The following AFAP1 variants were observed in gnomAD, a reference collection of about 807,000 sequenced individuals.
AFAP1 encodes the protein actin filament-associated protein 1.
Under a neutral mutation model 93.9 loss-of-function variants are expected in AFAP1, and 75 were observed. That is an observed-to-expected ratio of 0.80 (90% CI 0.66 to 0.97). The LOEUF (loss-of-function observed/expected upper bound fraction) is 0.97. Among genes scored for constraint, AFAP1 ranks in the 50% least tolerant of loss-of-function variants. The probability of loss-of-function intolerance (pLI) is 0.00; values close to 1 mark genes in which losing one functional copy is unlikely to be tolerated. For missense variants in AFAP1, 1,201 were observed against 1,050.8 expected (o/e 1.14, Z -1.98); for synonymous variants, 517 against 430.7 (o/e 1.20, Z -2.48).
At chr4:7,828,013 T>C (rs1053582309) in intron 6 of AFAP1, among the ~76,000 whole-genome samples, 5 of 152,164 alleles carry the variant, frequency 3.3e-5, no homozygotes, top group African/African-American at 1.2e-4. Flanking sequence ...CAGGAGGAAA[T>C]GAAGGGCATG....
chr4:7,793,029 T>A (rs555066223), intron 11 of AFAP1, among the ~76,000 whole-genome samples: 4 of 152,346 alleles, frequency 2.6e-5, no homozygotes, highest in African/African-American at 9.6e-5. Context: ...CCCCGCAGAC[T>A]GCCAGAAAGG....
intron 1 of AFAP1, among the ~76,000 whole-genome samples, chr4:7,911,767 G>A (rs1279234209): frequency 1.3e-5 from 2 of 152,196 alleles, no homozygotes; most frequent in African/African-American, 4.8e-5. Context: ...ATATTAAAAT[G>A]CAGACAGCAA....
intron 1 of AFAP1, among the ~76,000 whole-genome samples, chr4:7,888,508 G>A (rs548486727): frequency 6.6e-6 from 1 of 152,240 alleles, no homozygotes; most frequent in Non-Finnish European, 1.5e-5. Flanking sequence ...CAAAAACATG[G>A]ATGAAATGGG....
chr4:7,933,944 A>G (rs1192092020), intron 1 of AFAP1, among the ~76,000 whole-genome samples: 1 of 152,210 alleles, frequency 6.6e-6, no homozygotes, highest in Non-Finnish European at 1.5e-5. Flanking sequence ...AATTTGTGGA[A>G]ATGTGTTAAA....
chr4:7,876,475 G>C (rs1189045228), intron 1 of AFAP1, among the ~76,000 whole-genome samples: 2 of 152,216 alleles, frequency 1.3e-5, no homozygotes, highest in Non-Finnish European at 2.9e-5. Flanking sequence ...ATGGTCTCTT[G>C]AACTGAAAAT....
chr4:7,913,690 C>T (rs75882886), intron 1 of AFAP1, among the ~76,000 whole-genome samples: 13,423 of 152,206 alleles, frequency 0.088, 771 homozygotes, highest in East Asian at 0.25. Context: ...AAAGTCATCA[C>T]TGCAAACCCC....
chr4:7,793,472 C>A (rs908884086), intron 11 of AFAP1, among the ~76,000 whole-genome samples: 1 of 152,234 alleles, frequency 6.6e-6, no homozygotes, highest in African/African-American at 2.4e-5. Flanking sequence ...GTCCTTCATG[C>A]AAGTTTGCCA....
intron 1 of AFAP1, among the ~76,000 whole-genome samples, chr4:7,931,098 C>G (rs910392341): frequency 6.6e-6 from 1 of 152,116 alleles, no homozygotes; most frequent in Non-Finnish European, 1.5e-5. Flanking sequence ...AAAACGTGGG[C>G]AACAGGAGGA....
intron 16 of AFAP1, among the ~76,000 whole-genome samples, chr4:7,772,004 C>T (rs553393971): frequency 1.8e-4 from 27 of 152,300 alleles, no homozygotes; most frequent in African/African-American, 5.5e-4. Context: ...CCCACAAACC[C>T]GCCCAGGGCT....
At chr4:7,768,735 A>C in intron 17 of AFAP1, 109 bp downstream of exon 17, 1 of 1,330,798 alleles carries the variant, frequency 7.5e-7, no homozygotes, top group African/African-American at 1.5e-5. Context: ...GCTGAGTGCC[A>C]AGTGGATGCA....
chr4:7,784,503 AC>A (rs1428019318), intron 12 of AFAP1, among the ~76,000 whole-genome samples: 1 of 152,116 alleles, frequency 6.6e-6, no homozygotes, highest in Non-Finnish European at 1.5e-5. Context: ...ACTGGGAGAC[AC>A]CCAGCCAATA....
intron 1 of AFAP1, among the ~76,000 whole-genome samples, chr4:7,924,297 A>T (rs1467188234): frequency 6.6e-6 from 1 of 152,214 alleles, no homozygotes; most frequent in Non-Finnish European, 1.5e-5. Flanking sequence ...CTACCAACAA[A>T]GGTTACACAA....
chr4:7,902,795 GACTCT>G (rs1390541180), intron 1 of AFAP1, among the ~76,000 whole-genome samples: 3 of 152,206 alleles, frequency 2.0e-5, no homozygotes, highest in Non-Finnish European at 2.9e-5. Context: ...GGCAGACAGG[GACTCT>G]ACCGCAGTGG....
At chr4:7,896,222 A>C (rs886220913) in intron 1 of AFAP1, among the ~76,000 whole-genome samples, 6 of 152,130 alleles carry the variant, frequency 3.9e-5, no homozygotes, top group African/African-American at 1.4e-4. Flanking sequence ...TGTAATGCCT[A>C]AAACACAGTA....
chr4:7,931,913 T>C (rs1341077130), intron 1 of AFAP1, among the ~76,000 whole-genome samples: 1 of 152,056 alleles, frequency 6.6e-6, no homozygotes, highest in Non-Finnish European at 1.5e-5. Context: ...CAGGCTGGAG[T>C]GCAGTGGCGC....
chr4:7,808,637 A>C (rs368150034), intron 9 of AFAP1, among the ~76,000 whole-genome samples: 4 of 152,162 alleles, frequency 2.6e-5, no homozygotes, highest in South Asian at 4.1e-4. Flanking sequence ...TATAGTTTGG[A>C]TATTTCTCCC....
intron 1 of AFAP1, among the ~76,000 whole-genome samples, chr4:7,880,422 G>A (rs1020429932): frequency 6.6e-6 from 1 of 151,830 alleles, no homozygotes; most frequent in Non-Finnish European, 1.5e-5. Context: ...TGGTATTATA[G>A]GCACCCACCA....
chr4:7,849,778 C>G (rs1285460720), intron 4 of AFAP1, among the ~76,000 whole-genome samples: 2 of 152,188 alleles, frequency 1.3e-5, no homozygotes, highest in African/African-American at 4.8e-5. Flanking sequence ...CTCACATCCT[C>G]ACTTTGGCAA....
chr4:7,894,059 T>G (rs1209955610), intron 1 of AFAP1, among the ~76,000 whole-genome samples: 2 of 152,178 alleles, frequency 1.3e-5, no homozygotes, highest in African/African-American at 2.4e-5. Context: ...GCACTTGGCC[T>G]CTGGCTGACG....
Sources: gnomAD v4.1 joint callset for allele counts (sites outside exome capture counted in the v4.1 genomes callset) on GRCh38, gnomAD v4.1.1 for gene constraint, MANE v1.5 for transcripts, NCBI Gene and HGNC (gene_info 2026-07-23, HGNC 2026-07-21) for gene names.